TEX11: variants seen among roughly 807,000 people sequenced by gnomAD.
TEX11 encodes testis expressed 11, also known as testis-expressed protein 11.
Under a neutral mutation model 84.4 loss-of-function variants are expected in TEX11, and 7 were observed. The ratio of observed to expected loss-of-function variants is 0.08; its 90% CI spans 0.05 to 0.16. TEX11 has a LOEUF of 0.16. Among genes scored for constraint, TEX11 ranks in the 10% least tolerant of loss-of-function variants. The pLI is 1.00. For missense variants in TEX11, 551 were observed against 660.5 expected (o/e 0.83, Z 1.82); for synonymous variants, 264 against 222.8 (o/e 1.18, Z -1.64).
At chrX:70,794,290 GA>G (rs2091142858) in intron 9 of TEX11, among the ~76,000 whole-genome samples, 3 of 111,991 alleles carry the variant, frequency 2.7e-5, no homozygotes, top group East Asian at 5.7e-4. Flanking sequence ...GACGTCAATG[GA>G]GAGCACATTT....
chrX:70,810,351 T>C (rs1216798453), intron 8 of TEX11, among the ~76,000 whole-genome samples: 2 of 112,351 alleles, frequency 1.8e-5, no homozygotes, highest in Non-Finnish European at 3.8e-5. Context: ...CACGTATGTT[T>C]ATTTCAACAC....
chrX:70,585,338 C>A (rs2088839260), intron 25 of TEX11, among the ~76,000 whole-genome samples: 1 of 112,037 alleles, frequency 8.9e-6, no homozygotes, highest in Admixed American at 9.5e-5. Context: ...TACTATAACA[C>A]ACTGATGAAA....
chrX:70,634,786 A>C, intron 17 of TEX11, among the ~76,000 whole-genome samples: 1 of 112,291 alleles, frequency 8.9e-6, no homozygotes. Context: ...TCATAGACAT[A>C]AATGTAAACC....
intron 11 of TEX11, among the ~76,000 whole-genome samples, chrX:70,738,951 G>A (rs2090715591): frequency 2.7e-5 from 3 of 110,094 alleles, no homozygotes; most frequent in Admixed American, 9.8e-5. Context: ...GGCCTGTTAG[G>A]GGGTGGGAGG....
At chrX:70,642,058 T>TA (rs1316836841) in intron 17 of TEX11, among the ~76,000 whole-genome samples, 1 of 109,271 alleles carries the variant, frequency 9.2e-6, no homozygotes, top group African/African-American at 3.3e-5. Context: ...AAGAATCAAA[T>TA]AGACACAATA....
At chrX:70,899,693 A>T (rs1417697504) in intron 2 of TEX11, among the ~76,000 whole-genome samples, 1 of 107,723 alleles carries the variant, frequency 9.3e-6, no homozygotes, top group African/African-American at 3.4e-5. Flanking sequence ...AGGCAAGCAG[A>T]TCACTTGAGC....
intron 7 of TEX11, among the ~76,000 whole-genome samples, chrX:70,842,232 G>C (rs914385952): frequency 1.8e-5 from 2 of 111,599 alleles, no homozygotes; most frequent in African/African-American, 3.3e-5. Context: ...AAAATCCTCA[G>C]TAAAATACTC....
intron 13 of TEX11, among the ~76,000 whole-genome samples, chrX:70,716,481 C>T (rs1013706569): frequency 6.2e-5 from 7 of 112,149 alleles, no homozygotes; most frequent in African/African-American, 1.3e-4. Context: ...ACTCAAGCCT[C>T]GGCAATGGTG....
the TEX11 span, among the ~76,000 whole-genome samples, chrX:70,517,291 G>A: frequency 1.8e-4 from 20 of 111,914 alleles, no homozygotes; most frequent in South Asian, 1.5e-3. Flanking sequence ...TTTGAGATAC[G>A]TTCCATCAAT....
At chrX:70,515,270 C>G in the TEX11 span, among the ~76,000 whole-genome samples, 3 of 96,156 alleles carry the variant, frequency 3.1e-5, no homozygotes, top group Admixed American at 1.1e-4. Flanking sequence ...CCTCCTCCAC[C>G]CCCCCCCACC....
intron 16 of TEX11, among the ~76,000 whole-genome samples, chrX:70,657,494 G>A (rs1482110400): frequency 9.6e-6 from 1 of 104,409 alleles, no homozygotes. Context: ...CAGCAGCAAA[G>A]TATCCCCACA....
the TEX11 span, among the ~76,000 whole-genome samples, chrX:70,519,212 G>T: frequency 2.7e-5 from 3 of 111,772 alleles, no homozygotes; most frequent in African/African-American, 9.7e-5. Context: ...TAGCATCGAT[G>T]GTCTTTACAA....
intron 9 of TEX11, among the ~76,000 whole-genome samples, chrX:70,779,037 A>G (rs1434103557): frequency 9.0e-6 from 1 of 110,993 alleles, no homozygotes; most frequent in African/African-American, 3.3e-5. Flanking sequence ...CACTACAAAC[A>G]TATATATATG....
chrX:70,890,063 C>G (rs917325258), intron 2 of TEX11, among the ~76,000 whole-genome samples: 7 of 111,039 alleles, frequency 6.3e-5, no homozygotes, highest in Admixed American at 1.9e-4. Flanking sequence ...AAGACACACA[C>G]AGACTGAAAA....
chrX:70,642,368 G>A (rs1174965162), intron 17 of TEX11, among the ~76,000 whole-genome samples: 1 of 111,202 alleles, frequency 9.0e-6, no homozygotes, highest in African/African-American at 3.3e-5. Flanking sequence ...CATTCCTTCT[G>A]AAACTATTCC....
intron 14 of TEX11, among the ~76,000 whole-genome samples, chrX:70,679,278 T>G (rs1408721431): frequency 9.0e-6 from 1 of 111,134 alleles, no homozygotes; most frequent in Non-Finnish European, 1.9e-5. Context: ...TGGCGTGATC[T>G]CGGCTCGCTA....
intron 8 of TEX11, among the ~76,000 whole-genome samples, chrX:70,815,010 T>C (rs1208862059): frequency 8.9e-6 from 1 of 111,837 alleles, no homozygotes; most frequent in East Asian, 2.8e-4. Context: ...TTCCCTAAAT[T>C]GAGGACTAGG....
At chrX:70,611,766 G>GA (rs1211996170) in intron 20 of TEX11, among the ~76,000 whole-genome samples, 2 of 110,985 alleles carry the variant, frequency 1.8e-5, no homozygotes, top group African/African-American at 6.6e-5. Flanking sequence ...TAATGGGGGA[G>GA]AAAAAAACCT....
intron 24 of TEX11, among the ~76,000 whole-genome samples, chrX:70,599,743 C>T (rs1174127100): frequency 3.0e-5 from 3 of 100,666 alleles, no homozygotes; most frequent in Non-Finnish European, 6.0e-5. Context: ...TTGTTCAATA[C>T]CCACCTATGA....
Sources: allele counts gnomAD v4.1 joint callset (sites outside exome capture counted in the v4.1 genomes callset), GRCh38; gene constraint gnomAD v4.1.1; transcripts MANE v1.5; gene names NCBI Gene and HGNC (gene_info 2026-07-23, HGNC 2026-07-21).